TNS1: variants seen among roughly 807,000 people sequenced by gnomAD.
TNS1 encodes the protein tensin-1.
TNS1 carries 62 observed loss-of-function variants against 168.6 expected under a neutral mutation model. The observed-to-expected ratio is 0.37, with a 90% CI of 0.30 to 0.45. The LOEUF (loss-of-function observed/expected upper bound fraction) is 0.45. Among genes scored for constraint, TNS1 ranks in the 20% least tolerant of loss-of-function variants. The pLI is 1.00. For synonymous variants in TNS1, 934 were observed against 933.2 expected, an observed-to-expected ratio of 1.00 and a Z score of -0.02; for missense variants, 2,240 against 2,339.4, an observed-to-expected ratio of 0.96 and a Z score of 0.88.
In TNS1 at chr2:217,946,961, T is replaced by TCACA. The variant is rs1363329507; in HGVS notation, c.187-26726_187-26725insTGTG. On this transcript the variant is annotated intron_variant, in intron 3 of 32. Coordinates refer to ENST00000682258, the MANE Select transcript of TNS1 (RefSeq NM_001387777.1). ...CGCTCTCTCTCTCTCTCTCTCTCTC[T>TCACA]CTCTCTCTCACACACACACACACAC... Among the ~76,000 whole-genome samples the TCACA allele has an allele frequency of 1.5e-3, 203 of 133,916 alleles. 1 individual carries two copies. Among genetic ancestry groups the TCACA allele is most frequent in the African/African-American group, 6.5e-3 (183 of 28,278 alleles). The allele number at this position is 133,916 out of a possible 152,430, so 87.9% of individuals were successfully genotyped here.
chr2:217,957,136 G>A lies in TNS1; in HGVS notation c.186+21629C>T, dbSNP rs190583208. ...GTTCCCACGAGGCCACCCCCAGGGCGGCCCGCCCCCACCCCGGTAAGGCAG... is the reference window on the plus strand; with the variant it reads ...GTTCCCACGAGGCCACCCCCAGGGCAGCCCGCCCCCACCCCGGTAAGGCAG... On this transcript the variant is annotated intron_variant, in intron 3 of 32. Coordinates refer to ENST00000682258, the MANE Select transcript of TNS1 (RefSeq NM_001387777.1). Among the ~76,000 whole-genome samples the A allele has an allele frequency of 7.6e-3, 1,164 of 152,290 alleles. 24 individuals carry two copies. Among genetic ancestry groups the A allele is most frequent in the African/African-American group, 0.026 (1,084 of 41,560 alleles).
chr2:217,990,882 C>G, intron 2 of TNS1, 60 bp downstream of exon 2: 1 of 510,484 alleles, frequency 2.0e-6, no homozygotes, highest in Non-Finnish European at 3.6e-6. Context: ...TGGCCCAGGC[C>G]CAGCCATCTC....
intron 3 of TNS1, among the ~76,000 whole-genome samples, chr2:217,932,193 C>T (rs1393219944): frequency 6.6e-6 from 1 of 152,152 alleles, no homozygotes; most frequent in Non-Finnish European, 1.5e-5. Flanking sequence ...GTCCTCATTT[C>T]CAGATTCCTG....
At chr2:218,030,084 G>A (rs1958879863) in intron 1 of TNS1, among the ~76,000 whole-genome samples, 2 of 151,948 alleles carry the variant, frequency 1.3e-5, no homozygotes, top group South Asian at 2.1e-4. Context: ...TCTGACCACC[G>A]GGCACCTCCC....
intron 21 of TNS1, among the ~76,000 whole-genome samples, chr2:217,832,784 C>G: frequency 6.6e-6 from 1 of 152,218 alleles, no homozygotes; most frequent in East Asian, 1.9e-4. Flanking sequence ...TGGCACACCC[C>G]TGCCCTTCAC....
intron 3 of TNS1, among the ~76,000 whole-genome samples, chr2:217,922,765 C>G (rs891096728): frequency 6.6e-6 from 1 of 152,146 alleles, no homozygotes; most frequent in Non-Finnish European, 1.5e-5. Flanking sequence ...AAGAACCTGG[C>G]CCTGCGGGGG....
intron 12 of TNS1, among the ~76,000 whole-genome samples, chr2:217,887,743 C>G (rs1204315372): frequency 1.3e-5 from 2 of 152,212 alleles, no homozygotes; most frequent in Admixed American, 1.3e-4. Context: ...CAAGAACACA[C>G]AAAGCTGGAA....
At chr2:217,947,918 G>C (rs1186325056) in intron 3 of TNS1, among the ~76,000 whole-genome samples, 1 of 152,184 alleles carries the variant, frequency 6.6e-6, no homozygotes, top group Admixed American at 6.5e-5. Flanking sequence ...ACAGATGCGC[G>C]TGAAAATGTG....
intron 24 of TNS1, 33 bp from the exon 25 acceptor site, chr2:217,815,031 G>A (rs1261390814): frequency 6.4e-7 from 1 of 1,558,552 alleles, no homozygotes; most frequent in South Asian, 1.1e-5. Flanking sequence ...AGTGTTATGG[G>A]TTAAATTGTG....
intron 12 of TNS1, among the ~76,000 whole-genome samples, chr2:217,890,106 C>T (rs984054977): frequency 1.3e-5 from 2 of 152,210 alleles, no homozygotes; most frequent in Non-Finnish European, 2.9e-5. Context: ...CCCCCTCCCT[C>T]GGCTCAGCTT....
At chr2:217,892,179 C>T (rs969756303) in intron 11 of TNS1, among the ~76,000 whole-genome samples, 2 of 152,170 alleles carry the variant, frequency 1.3e-5, no homozygotes, top group Non-Finnish European at 2.9e-5. Context: ...CTTACTGCAA[C>T]CTCCCTGCCT....
intron 31 of TNS1, 36 bp downstream of exon 31, chr2:217,808,567 G>T: frequency 6.3e-7 from 1 of 1,593,252 alleles, no homozygotes; most frequent in South Asian, 1.1e-5. Flanking sequence ...GTGTTAGAAA[G>T]CTGTGTGGGA....
At chr2:217,892,511 A>G (rs1004485541) in intron 11 of TNS1, among the ~76,000 whole-genome samples, 8 of 152,212 alleles carry the variant, frequency 5.3e-5, no homozygotes, top group African/African-American at 1.9e-4. Flanking sequence ...TCTTGTTCCA[A>G]ACACCTAGGT....
chr2:217,835,934 C>A, intron 20 of TNS1, 81 bp downstream of exon 20: 2 of 1,282,010 alleles, frequency 1.6e-6, no homozygotes, highest in South Asian at 1.4e-5. Flanking sequence ...ATATCAGTGC[C>A]AAGTTGACCA....
rs566891006 is a variant in TNS1, at chr2:218,029,533, A to G, written c.156+4287T>C. On this transcript the variant is annotated intron_variant, in intron 1 of 1. Coordinates refer to the TNS1 transcript ENST00000649572. ...ACGCCTGTCAATAGCAGAATGGATAAATGGACAGCGTGTCTTCACACAGTG... is the reference window on the plus strand; with the variant it reads ...ACGCCTGTCAATAGCAGAATGGATAGATGGACAGCGTGTCTTCACACAGTG... Among the ~76,000 whole-genome samples, 69 of 152,376 alleles carry G rather than the reference A, an allele frequency of 4.5e-4. No individual in the cohort carries two copies. The South Asian group carries it at 7.9e-3, about 17-fold the overall frequency.
intron 18 of TNS1, among the ~76,000 whole-genome samples, chr2:217,857,682 G>A (rs969133626): frequency 6.6e-6 from 1 of 152,220 alleles, no homozygotes; most frequent in African/African-American, 2.4e-5. Context: ...CCAGGGGCCT[G>A]GAGGGCAAGT....
At chr2:217,979,738 G>A (rs942938474) in intron 2 of TNS1, among the ~76,000 whole-genome samples, 2 of 152,144 alleles carry the variant, frequency 1.3e-5, no homozygotes, top group Admixed American at 1.3e-4. Context: ...GTTTTGCACT[G>A]CTTTGGGTCT....
intron 18 of TNS1, among the ~76,000 whole-genome samples, chr2:217,878,606 G>T (rs764046373): frequency 6.6e-6 from 1 of 152,114 alleles, no homozygotes; most frequent in Non-Finnish European, 1.5e-5. Flanking sequence ...TCTTGCAGGC[G>T]CCTGACACAC....
At chr2:217,805,513 A>ATAC (rs1938525007) in intron 32 of TNS1, among the ~76,000 whole-genome samples, 1 of 27,528 alleles carries the variant, frequency 3.6e-5, no homozygotes, top group Non-Finnish European at 6.4e-5. Flanking sequence ...ACCACCACAC[A>ATAC]CACCACACAC....
Sources: gnomAD v4.1 joint callset for allele counts (sites outside exome capture counted in the v4.1 genomes callset) on GRCh38, gnomAD v4.1.1 for gene constraint, MANE v1.5 for transcripts, NCBI Gene and HGNC (gene_info 2026-07-23, HGNC 2026-07-21) for gene names.